TMEM87B: variants seen among roughly 807,000 people sequenced by gnomAD.
The protein encoded by TMEM87B is transmembrane protein 87B.
Under a neutral mutation model 80.3 loss-of-function variants are expected in TMEM87B, and 83 were observed. The ratio of observed to expected loss-of-function variants is 1.03; its 90% CI spans 0.87 to 1.24. The LOEUF is 1.24. Among genes scored for constraint, TMEM87B ranks in the 50% most tolerant of loss-of-function variants. TMEM87B has a pLI of 0.00. For synonymous variants in TMEM87B, 219 were observed against 230.5 expected (o/e 0.95, Z 0.45); for missense variants, 625 against 674.4 (o/e 0.93, Z 0.81).
At chr2:112,100,786 G>T in intron 15 of TMEM87B, 91 bp downstream of exon 15, 2 of 710,502 alleles carry the variant, frequency 2.8e-6, no homozygotes, top group South Asian at 2.9e-5. Context: ...CACATATATT[G>T]TTTTTTTCTA....
chr2:112,082,155 G>A (rs1679017781), intron 8 of TMEM87B, among the ~76,000 whole-genome samples: 1 of 152,218 alleles, frequency 6.6e-6, no homozygotes. Context: ...TCCCACCAAA[G>A]CTTTGGAAAG....
chr2:112,064,298 A>G (rs920275488), intron 3 of TMEM87B, 45 bp downstream of exon 3: 1 of 1,495,458 alleles, frequency 6.7e-7, no homozygotes, highest in Non-Finnish European at 9.3e-7. Context: ...CTATGAAGGA[A>G]AATTATGGGT....
chr2:112,058,154 C>T (rs1251394408), intron 1 of TMEM87B, among the ~76,000 whole-genome samples: 1 of 152,178 alleles, frequency 6.6e-6, no homozygotes, highest in Admixed American at 6.6e-5. Context: ...ATAAGTACTA[C>T]CTTGATGAAG....
At chr2:112,095,937 C>T (rs763601992) in intron 11 of TMEM87B, among the ~76,000 whole-genome samples, 21 of 151,698 alleles carry the variant, frequency 1.4e-4, no homozygotes, top group African/African-American at 4.9e-4. Flanking sequence ...CTTCTTTTTG[C>T]TTCTTCATCC....
At chr2:112,081,172 G>A in intron 7 of TMEM87B, 54 bp downstream of exon 7, 1 of 1,542,526 alleles carries the variant, frequency 6.5e-7, no homozygotes, top group South Asian at 1.1e-5. Flanking sequence ...TATACCCTAA[G>A]AGCTTTGTGG....
At chr2:112,056,640 G>A (rs367679393) in intron 1 of TMEM87B, among the ~76,000 whole-genome samples, 1 of 152,144 alleles carries the variant, frequency 6.6e-6, no homozygotes, top group Non-Finnish European at 1.5e-5. Context: ...ATAATGTCCA[G>A]GTTCTAAAGA....
chr2:112,070,514 A>C (rs757596701), intron 4 of TMEM87B, among the ~76,000 whole-genome samples: 2 of 152,040 alleles, frequency 1.3e-5, no homozygotes, highest in Non-Finnish European at 2.9e-5. Flanking sequence ...TGGGCTCTCT[A>C]TTCTGTTCCA....
intron 8 of TMEM87B, among the ~76,000 whole-genome samples, chr2:112,083,329 C>T (rs1679055821): frequency 6.6e-6 from 1 of 152,206 alleles, no homozygotes; most frequent in South Asian, 2.1e-4. Context: ...GAGATAATCA[C>T]TGGTCAGTCT....
At chr2:112,058,448 G>A (rs773988386) in intron 1 of TMEM87B, among the ~76,000 whole-genome samples, 4 of 152,224 alleles carry the variant, frequency 2.6e-5, no homozygotes, top group Non-Finnish European at 5.9e-5. Context: ...CTGCCATTTG[G>A]CTTCAGCTTA....
At position 112,055,304 on chromosome 2, in the gene TMEM87B, C is replaced by G; in HGVS notation, c.-288C>G. 2.1e-6 allele frequency: 1 copy of G among 467,138 alleles called. No individual in the cohort carries two copies. The highest frequency in any genetic ancestry group is 3.8e-6 in the Non-Finnish European group (1 of 265,330). 28.9% of individuals were successfully genotyped at this position (467,138 alleles called of 1,614,324 possible). On this transcript the variant is annotated 5_prime_UTR_variant, in exon 1 of 19. Transcript: ENST00000283206. ...CCACGCTAGGCCCTGAGCCCAGCCT[C>G]CACGTCTCGCCGCCAACTCCACATC...
intron 14 of TMEM87B, among the ~76,000 whole-genome samples, chr2:112,100,403 C>T (rs1573722179): frequency 6.6e-6 from 1 of 152,304 alleles, no homozygotes; most frequent in East Asian, 1.9e-4. Flanking sequence ...AAAGATTTTA[C>T]CCACTTATGC....
intron 17 of TMEM87B, among the ~76,000 whole-genome samples, chr2:112,110,844 G>A (rs1242923490): frequency 6.6e-6 from 1 of 152,020 alleles, no homozygotes; most frequent in African/African-American, 2.4e-5. Flanking sequence ...TCGTTCAAGG[G>A]TGCTGCTTTT....
chr2:112,092,707 A>G (rs1181007308), intron 11 of TMEM87B, among the ~76,000 whole-genome samples: 1 of 152,196 alleles, frequency 6.6e-6, no homozygotes, highest in African/African-American at 2.4e-5. Context: ...GGCTGCAGCC[A>G]TATTGCAGGA....
At chr2:112,056,831 G>A (rs780785294) in intron 1 of TMEM87B, among the ~76,000 whole-genome samples, 1 of 152,112 alleles carries the variant, frequency 6.6e-6, no homozygotes, top group African/African-American at 2.4e-5. Context: ...CCTAATTTGT[G>A]TGCCAGTTAT....
chr2:112,112,878 T>G, intron 17 of TMEM87B, 21 bp from the exon 18 acceptor site: 3 of 1,598,222 alleles, frequency 1.9e-6, no homozygotes, highest in South Asian at 1.1e-5. Context: ...CATTATCACC[T>G]TTTTTTCCCT....
intron 15 of TMEM87B, among the ~76,000 whole-genome samples, chr2:112,105,690 C>G (rs1679746409): frequency 6.6e-6 from 1 of 152,120 alleles, no homozygotes; most frequent in African/African-American, 2.4e-5. Context: ...ATTTTTAAAT[C>G]CATAAACTTT....
At chr2:112,080,506 G>A (rs866839705) in intron 6 of TMEM87B, among the ~76,000 whole-genome samples, 17 of 149,480 alleles carry the variant, frequency 1.1e-4, no homozygotes, top group African/African-American at 3.2e-4. Context: ...TAATCCGCCC[G>A]CCTTGGCCTC....
chr2:112,073,146 C>T (rs1425386614), intron 4 of TMEM87B, among the ~76,000 whole-genome samples: 4 of 152,054 alleles, frequency 2.6e-5, no homozygotes, highest in South Asian at 2.1e-4. Flanking sequence ...ATGATCCACC[C>T]GCCTCAGCCT....
intron 11 of TMEM87B, among the ~76,000 whole-genome samples, chr2:112,094,222 C>T (rs569478333): frequency 6.8e-6 from 1 of 146,062 alleles, no homozygotes; most frequent in South Asian, 2.2e-4. Flanking sequence ...AGTGCAGTGG[C>T]GTGATCTCAA....
Sources: allele counts gnomAD v4.1 joint callset (sites outside exome capture counted in the v4.1 genomes callset), GRCh38; gene constraint gnomAD v4.1.1; transcripts MANE v1.5; gene names NCBI Gene and HGNC (gene_info 2026-07-23, HGNC 2026-07-21).